CDH12: variants seen among roughly 807,000 people sequenced by gnomAD.
CDH12 encodes cadherin-12.
CDH12 carries 41 observed loss-of-function variants against 74.1 expected under a neutral mutation model. That is an observed-to-expected ratio of 0.55 (90% CI 0.43 to 0.72). The LOEUF is 0.72. Among genes scored for constraint, CDH12 ranks in the 30% least tolerant of loss-of-function variants. The probability of loss-of-function intolerance (pLI) is 0.00; values close to 1 mark genes in which losing one functional copy is unlikely to be tolerated. For missense variants in CDH12, 945 were observed against 977.2 expected (o/e 0.97, Z 0.44); for synonymous variants, 399 against 355.0 (o/e 1.12, Z -1.39).
intron 7 of CDH12, among the ~76,000 whole-genome samples, chr5:21,846,215 T>A (rs1750159148): frequency 6.6e-6 from 1 of 152,156 alleles, no homozygotes. Flanking sequence ...GTCTGACCAA[T>A]CTTTTGTGCC....
intron 4 of CDH12, among the ~76,000 whole-genome samples, chr5:22,124,585 C>A (rs1384187820): frequency 6.6e-6 from 1 of 152,140 alleles, no homozygotes; most frequent in Non-Finnish European, 1.5e-5. Context: ...GGCATGTGGT[C>A]TTTGGAAGCA....
chr5:22,078,303 G>C, intron 5 of CDH12, 143 bp downstream of exon 5: 1 of 669,782 alleles, frequency 1.5e-6, no homozygotes, highest in South Asian at 2.0e-5. Flanking sequence ...ATTGAGTCAG[G>C]AAGATAAACC....
chr5:22,723,475 T>C (rs1022755864), intron 1 of CDH12, among the ~76,000 whole-genome samples: 2 of 152,070 alleles, frequency 1.3e-5, no homozygotes, highest in Admixed American at 6.6e-5. Flanking sequence ...ATATCTATAA[T>C]AATATTAAAT....
At chr5:22,318,897 A>C (rs979241793) in intron 3 of CDH12, among the ~76,000 whole-genome samples, 21 of 152,208 alleles carry the variant, frequency 1.4e-4, no homozygotes, top group African/African-American at 4.8e-4. Context: ...AAAAACAGTT[A>C]ATGGCTTTGC....
chr5:22,575,336 C>G (rs1480386984), intron 1 of CDH12, among the ~76,000 whole-genome samples: 1 of 152,050 alleles, frequency 6.6e-6, no homozygotes, highest in Non-Finnish European at 1.5e-5. Flanking sequence ...AGCTGATCAC[C>G]TTTTGTGTAC....
At chr5:22,432,456 C>T (rs189323834) in intron 2 of CDH12, among the ~76,000 whole-genome samples, 148 of 152,148 alleles carry the variant, frequency 9.7e-4, no homozygotes, top group Non-Finnish European at 1.8e-3. Context: ...TTGTTTACTA[C>T]TTTTCAATAG....
At chr5:22,009,615 C>G (rs1354830219) in intron 5 of CDH12, among the ~76,000 whole-genome samples, 5 of 152,124 alleles carry the variant, frequency 3.3e-5, no homozygotes, top group African/African-American at 1.2e-4. Flanking sequence ...ATCAACTCAA[C>G]TGTGCAGTAA....
At chr5:22,244,740 A>AAAG (rs1408985030) in intron 3 of CDH12, among the ~76,000 whole-genome samples, 54 of 92,626 alleles carry the variant, frequency 5.8e-4, no homozygotes, top group African/African-American at 1.3e-3. Context: ...AGAAAGAAAG[A>AAAG]AAAGAAAGAA....
rs111306059 is a variant in CDH12 at position 22,018,776 on chromosome 5, C to T, written c.232-43391G>A. 5.9e-4 allele frequency among the ~76,000 whole-genome samples: 90 copies of T among 152,158 alleles called. 2 individuals carry two copies. The highest frequency in any genetic ancestry group is 1.8e-3 in the African/African-American group (75 of 41,530). On this transcript the variant is annotated intron_variant, in intron 5 of 14. Coordinates refer to ENST00000382254, the MANE Select transcript of CDH12 (RefSeq NM_004061.5). Reference sequence around the variant, plus strand: ...TCCTATTGGTAGTGAACAGGTGTTACGTTCAGAAATGTTGGCCAGGCACGG... The same window carrying T: ...TCCTATTGGTAGTGAACAGGTGTTATGTTCAGAAATGTTGGCCAGGCACGG...
chr5:22,315,138 T>TTTTTTTTTTG, intron 3 of CDH12, among the ~76,000 whole-genome samples: 4 of 128,274 alleles, frequency 3.1e-5, no homozygotes, highest in African/African-American at 8.8e-5. Flanking sequence ...TTTTTTTTTT[T>TTTTTTTTTTG]TTTTTAGTAG....
chr5:22,094,074 G>A (rs1561102773), intron 4 of CDH12, among the ~76,000 whole-genome samples: 1 of 152,082 alleles, frequency 6.6e-6, no homozygotes, highest in Admixed American at 6.6e-5. Context: ...GAAACCATCT[G>A]GGCTGGAAAT....
At chr5:21,899,366 C>T (rs1372087367) in intron 6 of CDH12, among the ~76,000 whole-genome samples, 1 of 152,112 alleles carries the variant, frequency 6.6e-6, no homozygotes, top group African/African-American at 2.4e-5. Flanking sequence ...AGTATAAGGC[C>T]ATTTTAGAAA....
chr5:22,745,253 TA>T (rs1471992885), intron 1 of CDH12, among the ~76,000 whole-genome samples: 1 of 151,746 alleles, frequency 6.6e-6, no homozygotes, highest in Admixed American at 6.6e-5. Context: ...GCAAATAAAC[TA>T]ACAAATAAGC....
chr5:22,784,368 C>T (rs184745980), intron 1 of CDH12, among the ~76,000 whole-genome samples: 2 of 152,214 alleles, frequency 1.3e-5, no homozygotes, highest in East Asian at 1.9e-4. Context: ...TCTTGCTATA[C>T]TTTGCTACTT....
chr5:21,834,919 T>G (rs541588183), intron 8 of CDH12, among the ~76,000 whole-genome samples: 33 of 152,098 alleles, frequency 2.2e-4, no homozygotes, highest in African/African-American at 7.0e-4. Flanking sequence ...TTCCTTGGTA[T>G]TTGCTTTCAC....
intron 3 of CDH12, among the ~76,000 whole-genome samples, chr5:22,355,325 T>C (rs955039107): frequency 6.6e-6 from 1 of 152,032 alleles, no homozygotes; most frequent in Admixed American, 6.6e-5. Flanking sequence ...GAAATCAGAA[T>C]GTAGCTTACT....
intron 3 of CDH12, among the ~76,000 whole-genome samples, chr5:22,320,749 A>G (rs1373229023): frequency 1.3e-5 from 2 of 152,232 alleles, no homozygotes; most frequent in East Asian, 3.8e-4. Flanking sequence ...TGACTATCAA[A>G]TCCAACATTC....
At chr5:22,484,971 G>T (rs939503781) in intron 2 of CDH12, among the ~76,000 whole-genome samples, 6 of 151,974 alleles carry the variant, frequency 3.9e-5, no homozygotes, top group Non-Finnish European at 7.4e-5. Flanking sequence ...TATTTGTAAA[G>T]ATCTAAAAAA....
At chr5:22,369,125 T>C (rs1561350276) in intron 3 of CDH12, among the ~76,000 whole-genome samples, 1 of 151,724 alleles carries the variant, frequency 6.6e-6, no homozygotes, top group Non-Finnish European at 1.5e-5. Context: ...CAAGACTATC[T>C]CAAAATAAAT....
Sources: allele counts gnomAD v4.1 joint callset (sites outside exome capture counted in the v4.1 genomes callset), GRCh38; gene constraint gnomAD v4.1.1; transcripts MANE v1.5; gene names NCBI Gene and HGNC (gene_info 2026-07-23, HGNC 2026-07-21).